Variants in SUPT3H observed in about 807,000 individuals in gnomAD.
The protein encoded by SUPT3H is SPT3 homolog, SAGA and STAGA complex component, also known as transcription initiation protein SPT3 homolog.
Under a neutral mutation model 44.3 loss-of-function variants are expected in SUPT3H, and 44 were observed. The observed-to-expected ratio is 0.99, with a 90% CI of 0.78 to 1.28. The LOEUF is 1.28. SUPT3H is among the 50% of genes most tolerant of loss of function. The pLI, the probability that SUPT3H is intolerant of heterozygous loss-of-function variation, is 0.00. For missense variants in SUPT3H, 380 were observed against 387.1 expected, an observed-to-expected ratio of 0.98 and a Z score of 0.15; for synonymous variants, 124 against 125.6, an observed-to-expected ratio of 0.99 and a Z score of 0.09.
intron 3 of SUPT3H, chr6:45,097,566 CAA>C (rs1448915510): frequency 1.3e-5 from 2 of 152,242 alleles, no homozygotes; most frequent in African/African-American, 4.8e-5. Context: ...TGTGGCCACA[CAA>C]AGTCATTCCA....
rs74538534 is a variant in SUPT3H, at chr6:45,133,189, G to A, written c.102-27183C>T. On this transcript the variant is annotated intron_variant, in intron 2 of 10. Transcript: ENST00000371459. Reference sequence around the variant, plus strand: ...GCAGTATCAAAGTTCTAAACTTGTGGGAAAAAACTGACTCCACACAAAGTT... The same window carrying A: ...GCAGTATCAAAGTTCTAAACTTGTGAGAAAAAACTGACTCCACACAAAGTT... Among the ~76,000 whole-genome samples the A allele has an allele frequency of 4.1e-3, 626 of 152,166 alleles. 6 individuals carry two copies. The highest frequency in any genetic ancestry group is 0.014 in the African/African-American group (587 of 41,516).
At chr6:45,316,247 C>T (rs569069185) in intron 2 of SUPT3H, among the ~76,000 whole-genome samples, 1 of 152,062 alleles carries the variant, frequency 6.6e-6, no homozygotes, top group Admixed American at 6.6e-5. Context: ...GTGATGGGTG[C>T]ACCAGGTTCT....
intron 2 of SUPT3H, among the ~76,000 whole-genome samples, chr6:45,315,487 A>G (rs1784542757): frequency 1.3e-5 from 2 of 152,234 alleles, no homozygotes; most frequent in African/African-American, 4.8e-5. Flanking sequence ...GACAACTCTC[A>G]AAAGAAGATA....
chr6:45,065,609 A>G (rs1793140267), intron 3 of SUPT3H, among the ~76,000 whole-genome samples: 1 of 151,344 alleles, frequency 6.6e-6, no homozygotes, highest in South Asian at 2.1e-4. Context: ...TAGACACAAT[A>G]AAAAATGATA....
chr6:45,310,141 G>A (rs1473003741), intron 2 of SUPT3H, among the ~76,000 whole-genome samples: 1 of 152,180 alleles, frequency 6.6e-6, no homozygotes, highest in African/African-American at 2.4e-5. Flanking sequence ...GGAGCTAAGT[G>A]AGGCCTGTGA....
In SUPT3H at chr6:45,020,621, A is replaced by C; in HGVS notation, c.198T>G (p.Ala66=). 2 of 1,610,138 alleles carry C rather than the reference A, an allele frequency of 1.2e-6. No homozygotes were observed. Among genetic ancestry groups the C allele is most frequent in the Non-Finnish European group, 1.7e-6 (2 of 1,177,606 alleles). ...HTQLINLLQQ[A]AEVSQLRGAR... is the part of the protein sequence containing the mutation. Reference sequence around the variant, plus strand: ...CTCCCCGCAGCTGAGAAACTTCAGCAGCTTGCTGTAACTAACAATAATGAA... The same window carrying C: ...CTCCCCGCAGCTGAGAAACTTCAGCCGCTTGCTGTAACTAACAATAATGAA... Residue 66 remains alanine, a synonymous_variant, in exon 4 of 11, where the codon GCT becomes GCG. Coordinates refer to ENST00000371459, the MANE Select transcript of SUPT3H (RefSeq NM_003599.4).
At chr6:45,255,021 A>G (rs1773099969) in intron 2 of SUPT3H, among the ~76,000 whole-genome samples, 1 of 152,180 alleles carries the variant, frequency 6.6e-6, no homozygotes. Flanking sequence ...GTGGGCAAAT[A>G]ATCCTTATAT....
chr6:45,216,372 A>G (rs1265397524), intron 2 of SUPT3H, among the ~76,000 whole-genome samples: 2 of 152,208 alleles, frequency 1.3e-5, no homozygotes, highest in Non-Finnish European at 2.9e-5. Context: ...TGTAAAAAAA[A>G]TTAATAAAGG....
rs1774536088 is a variant in SUPT3H at position 45,262,507 on chromosome 6, A to T, written c.101+102694T>A. ...CTTCCTTTCACCACATACAAAAATC[A>T]ACTCAAGATGGATTAAAGACTTAGA... On this transcript the variant is annotated intron_variant, in intron 2 of 10. Transcript: ENST00000371459. Among the ~76,000 whole-genome samples the T allele has an allele frequency of 3.3e-5, 5 of 152,094 alleles. 1 individual carries two copies. The South Asian group carries it at 1.0e-3, about 31-fold the overall frequency.
chr6:45,197,362 T>C (rs1454536257), intron 2 of SUPT3H, among the ~76,000 whole-genome samples: 1 of 151,416 alleles, frequency 6.6e-6, no homozygotes, highest in African/African-American at 2.4e-5. Context: ...CTTAAATGAT[T>C]TGAAAGAAAA....
chr6:44,817,482 A>T (rs1042680090), intron 11 of SUPT3H, among the ~76,000 whole-genome samples: 1 of 152,148 alleles, frequency 6.6e-6, no homozygotes, highest in Non-Finnish European at 1.5e-5. Flanking sequence ...AGTCACTGCA[A>T]TAAGACATGA....
chr6:44,959,039 C>A (rs1202268270), intron 7 of SUPT3H, among the ~76,000 whole-genome samples: 1 of 151,838 alleles, frequency 6.6e-6, no homozygotes, highest in Non-Finnish European at 1.5e-5. Flanking sequence ...CCACGCCTGG[C>A]TTGTTTGTTT....
intron 10 of SUPT3H, among the ~76,000 whole-genome samples, chr6:44,908,682 A>G (rs1453868074): frequency 6.6e-6 from 1 of 152,158 alleles, no homozygotes; most frequent in African/African-American, 2.4e-5. Flanking sequence ...GAAAGTCTTC[A>G]CTGCAAGCCA....
chr6:45,067,639 A>G (rs1476366217), intron 3 of SUPT3H, among the ~76,000 whole-genome samples: 1 of 151,716 alleles, frequency 6.6e-6, no homozygotes, highest in East Asian at 1.9e-4. Context: ...AACCCCATCA[A>G]AAAGTGGGCG....
chr6:44,947,387 C>T (rs1773517937), intron 9 of SUPT3H, among the ~76,000 whole-genome samples: 1 of 152,012 alleles, frequency 6.6e-6, no homozygotes, highest in Non-Finnish European at 1.5e-5. Context: ...CATAAACAGA[C>T]TTCATATGTA....
intron 3 of SUPT3H, among the ~76,000 whole-genome samples, chr6:45,094,744 A>G (rs555615138): frequency 2.6e-5 from 4 of 152,266 alleles, no homozygotes; most frequent in African/African-American, 9.6e-5. Context: ...AGAGAAAATA[A>G]GACTAATTTA....
chr6:44,847,476 C>G (rs1322998814), intron 10 of SUPT3H, among the ~76,000 whole-genome samples: 2 of 151,784 alleles, frequency 1.3e-5, no homozygotes, highest in Admixed American at 1.3e-4. Context: ...GAAACTTAAA[C>G]AGTTATGGGA....
intron 10 of SUPT3H, among the ~76,000 whole-genome samples, chr6:44,909,142 CGTGT>C (rs34494107): frequency 0.023 from 3,322 of 146,946 alleles, 102 homozygotes; most frequent in African/African-American, 0.073. Flanking sequence ...TGTGTGTGTG[CGTGT>C]GTGTGTGTGT....
intron 10 of SUPT3H, among the ~76,000 whole-genome samples, chr6:44,847,923 A>G (rs1399285905): frequency 2.1e-5 from 3 of 144,404 alleles, no homozygotes; most frequent in Non-Finnish European, 4.5e-5. Context: ...CATTACAGAA[A>G]TATTTTCTTC....
Sources: gnomAD v4.1 joint callset for allele counts (sites outside exome capture counted in the v4.1 genomes callset) on GRCh38, gnomAD v4.1.1 for gene constraint, MANE v1.5 for transcripts, NCBI Gene and HGNC (gene_info 2026-07-23, HGNC 2026-07-21) for gene names.